The following GALNT18 variants were observed in gnomAD, a reference collection of about 807,000 sequenced individuals.
The protein encoded by GALNT18 is polypeptide N-acetylgalactosaminyltransferase 18.
GALNT18 carries 44 observed loss-of-function variants against 69.5 expected under a neutral mutation model. The observed-to-expected ratio is 0.63, with a 90% CI of 0.50 to 0.81. The LOEUF is 0.81. Among genes scored for constraint, GALNT18 ranks in the 40% least tolerant of loss-of-function variants. GALNT18 has a pLI of 0.00. For synonymous variants in GALNT18, 364 were observed against 318.2 expected (o/e 1.14, Z -1.53); for missense variants, 715 against 810.0 (o/e 0.88, Z 1.42).
intron 10 of GALNT18, among the ~76,000 whole-genome samples, chr11:11,289,231 AACTTCCACATAT>A (rs1202627607): frequency 1.3e-5 from 2 of 150,166 alleles, no homozygotes; most frequent in Non-Finnish European, 3.0e-5. Context: ...CAGTAAGCAA[AACTTCCACATAT>A]ATTAATTATT....
intron 3 of GALNT18, among the ~76,000 whole-genome samples, chr11:11,425,763 A>G (rs1357763875): frequency 6.6e-6 from 1 of 152,210 alleles, no homozygotes; most frequent in African/African-American, 2.4e-5. Flanking sequence ...TGTCACATGA[A>G]CAAGCCCCCA....
intron 1 of GALNT18, among the ~76,000 whole-genome samples, chr11:11,474,857 C>G (rs1214916991): frequency 1.3e-5 from 2 of 152,172 alleles, no homozygotes; most frequent in African/African-American, 2.4e-5. Context: ...TTAATCTATT[C>G]TAGAAAACAT....
intron 2 of GALNT18, among the ~76,000 whole-genome samples, chr11:11,438,375 C>A (rs1358392870): frequency 6.6e-6 from 1 of 152,190 alleles, no homozygotes; most frequent in Non-Finnish European, 1.5e-5. Context: ...TAAGAGACTG[C>A]AGGGTGTTTG....
At chr11:11,455,600 G>C (rs1261849735) in intron 1 of GALNT18, among the ~76,000 whole-genome samples, 1 of 152,230 alleles carries the variant, frequency 6.6e-6, no homozygotes, top group Non-Finnish European at 1.5e-5. Context: ...GTACAGATCG[G>C]AAACCAAGAA....
intron 1 of GALNT18, among the ~76,000 whole-genome samples, chr11:11,524,204 A>C (rs1191070006): frequency 6.6e-6 from 1 of 152,202 alleles, no homozygotes; most frequent in Non-Finnish European, 1.5e-5. Flanking sequence ...AAACATAAGA[A>C]GTGGGCTCAG....
At chr11:11,360,257 C>T (rs552615056) in intron 6 of GALNT18, among the ~76,000 whole-genome samples, 3 of 152,236 alleles carry the variant, frequency 2.0e-5, no homozygotes, top group African/African-American at 4.8e-5. Flanking sequence ...TCTGCCTCAA[C>T]GGCACCTCCT....
At chr11:11,518,356 T>G (rs1857325902) in intron 1 of GALNT18, among the ~76,000 whole-genome samples, 1 of 152,246 alleles carries the variant, frequency 6.6e-6, no homozygotes, top group Non-Finnish European at 1.5e-5. Flanking sequence ...CAACCGTGGA[T>G]CACTTCTGAC....
intron 3 of GALNT18, among the ~76,000 whole-genome samples, chr11:11,401,111 G>A (rs1011693280): frequency 2.0e-5 from 3 of 152,090 alleles, no homozygotes; most frequent in Non-Finnish European, 4.4e-5. Flanking sequence ...CCAGGCTAGA[G>A]TCTCTCAAAG....
intron 1 of GALNT18, among the ~76,000 whole-genome samples, chr11:11,451,378 A>G (rs1855795192): frequency 6.6e-6 from 1 of 152,228 alleles, no homozygotes; most frequent in African/African-American, 2.4e-5. Context: ...GTAAAATGAG[A>G]TCAGTTAATG....
intron 3 of GALNT18, among the ~76,000 whole-genome samples, chr11:11,381,410 C>T (rs1853916094): frequency 6.6e-6 from 1 of 152,176 alleles, no homozygotes; most frequent in Admixed American, 6.5e-5. Flanking sequence ...CCTTCTCTCC[C>T]TCCTCAACCC....
rs969994457 is a variant in GALNT18, at chr11:11,494,329, T to G, written c.236-45393A>C. Among the ~76,000 whole-genome samples, 14 of 152,282 alleles carry G rather than the reference T, an allele frequency of 9.2e-5. No individual in the cohort carries two copies. The highest frequency in any genetic ancestry group is 2.0e-4 in the Admixed American group (3 of 15,300). On this transcript the variant is annotated intron_variant, in intron 1 of 10. Transcript: ENST00000227756. The surrounding 1 kb of genome is among the most constrained non-coding windows in gnomAD (Gnocchi z 5.7). ...GGTCCTTTCCCCAGTGCTTCCTGTC[T>G]AGGATCCCATGTGACCCTGAGAGCC...
rs923771763 is a variant in GALNT18 at position 11,596,511 on chromosome 11, A to G, written c.235+24848T>C. ...GTCCATGAACATGAGATGTCTTCCC[A>G]TTTATTTAGGTCTTCTTTAACTTTT... On this transcript the variant is annotated intron_variant, in intron 1 of 10. Transcript: ENST00000227756. The surrounding 1 kb of genome is among the most constrained non-coding windows in gnomAD (Gnocchi z 4.2). 4.6e-5 allele frequency among the ~76,000 whole-genome samples: 7 copies of G among 152,128 alleles called. No homozygotes were observed. Among genetic ancestry groups the G allele is most frequent in the Non-Finnish European group, 7.4e-5 (5 of 68,002 alleles).
At chr11:11,481,639 A>G (rs1476205934) in intron 1 of GALNT18, among the ~76,000 whole-genome samples, 1 of 152,188 alleles carries the variant, frequency 6.6e-6, no homozygotes, top group East Asian at 1.9e-4. Context: ...GCCCTAGTGT[A>G]GTAGACACCA....
At chr11:11,390,476 G>T (rs1198784129) in intron 3 of GALNT18, among the ~76,000 whole-genome samples, 1 of 152,162 alleles carries the variant, frequency 6.6e-6, no homozygotes, top group Non-Finnish European at 1.5e-5. Flanking sequence ...CTCCTTCCAG[G>T]GCAGCTCCGA....
chr11:11,612,781 C>T (rs950428222), intron 1 of GALNT18, among the ~76,000 whole-genome samples: 1 of 152,254 alleles, frequency 6.6e-6, no homozygotes, highest in African/African-American at 2.4e-5. Flanking sequence ...GAACTGGCCA[C>T]AAGCCTCCTT....
intron 1 of GALNT18, among the ~76,000 whole-genome samples, chr11:11,526,090 C>T (rs963206276): frequency 1.3e-5 from 2 of 152,038 alleles, no homozygotes; most frequent in Non-Finnish European, 2.9e-5. Flanking sequence ...GTATGCTAGG[C>T]GTTCTCAGGG....
chr11:11,328,185 C>T (rs1220382900), intron 8 of GALNT18, among the ~76,000 whole-genome samples: 3 of 152,196 alleles, frequency 2.0e-5, no homozygotes, highest in Non-Finnish European at 4.4e-5. Flanking sequence ...GACCATCTTG[C>T]CCCTGCAGCG....
chr11:11,563,145 AGGAGCAGCTGCTTGCAGT>A lies in GALNT18; in HGVS notation c.235+58196_235+58213del, dbSNP rs1261253312. Among the ~76,000 whole-genome samples the A allele has an allele frequency of 6.6e-6, 1 of 152,130 alleles. No homozygotes were observed. Among genetic ancestry groups the A allele is most frequent in the East Asian group, 1.9e-4 (1 of 5,188 alleles). Reference sequence around the variant, plus strand: ...CCCACAGAGTGCCCTCAAACAGTGGAGGAGCAGCTGCTTGCAGTGGGCCCAGCTGCCTGGCGCAGTCCA... The same window carrying A: ...CCCACAGAGTGCCCTCAAACAGTGGAGGGCCCAGCTGCCTGGCGCAGTCCA... On this transcript the variant is annotated intron_variant, in intron 1 of 10. Coordinates refer to ENST00000227756, the MANE Select transcript of GALNT18 (RefSeq NM_198516.3). This position sits in a 1 kb window ranked among gnomAD's most constrained non-coding sequence, Gnocchi z 4.6.
intron 1 of GALNT18, among the ~76,000 whole-genome samples, chr11:11,611,137 T>C (rs1859889941): frequency 6.6e-6 from 1 of 152,214 alleles, no homozygotes; most frequent in African/African-American, 2.4e-5. Context: ...CATTTGTGGG[T>C]CTCAAGTAAG....
Sources: allele counts gnomAD v4.1 joint callset (sites outside exome capture counted in the v4.1 genomes callset), GRCh38; gene constraint gnomAD v4.1.1; non-coding constraint Gnocchi (gnomAD v3.1); transcripts MANE v1.5; gene names NCBI Gene and HGNC (gene_info 2026-07-23, HGNC 2026-07-21).